Variants in CNTNAP2 observed in about 807,000 individuals in gnomAD.
The protein encoded by CNTNAP2 is contactin associated protein 2.
A neutral mutation model predicts 155.2 loss-of-function variants in CNTNAP2; 98 were observed. The ratio of observed to expected loss-of-function variants is 0.63; its 90% CI spans 0.54 to 0.75. The LOEUF is 0.75. Among genes scored for constraint, CNTNAP2 ranks in the 30% least tolerant of loss-of-function variants. The pLI is 0.00. For missense variants in CNTNAP2, 1,727 were observed against 1,688.1 expected (o/e 1.02, Z -0.40); for synonymous variants, 651 against 631.2 (o/e 1.03, Z -0.47).
intron 2 of CNTNAP2, among the ~76,000 whole-genome samples, chr7:146,795,773 C>G (rs1480777326): frequency 6.6e-6 from 1 of 152,044 alleles, no homozygotes; most frequent in Admixed American, 6.6e-5. Flanking sequence ...ACCTTATGCC[C>G]CAGCAATTTC....
At chr7:147,150,070 A>G (rs982484051) in intron 8 of CNTNAP2, among the ~76,000 whole-genome samples, 1 of 152,198 alleles carries the variant, frequency 6.6e-6, no homozygotes, top group Non-Finnish European at 1.5e-5. Context: ...TGGACGTGTC[A>G]CGTTTTAGAT....
chr7:146,248,510 CCAGGG>C (rs2116939502), intron 1 of CNTNAP2, among the ~76,000 whole-genome samples: 1 of 151,974 alleles, frequency 6.6e-6, no homozygotes, highest in Non-Finnish European at 1.5e-5. Flanking sequence ...AGTTTTGGGT[CCAGGG>C]ATAAAACGTG....
At chr7:148,381,816 G>C (rs1488730743) in intron 21 of CNTNAP2, among the ~76,000 whole-genome samples, 1 of 152,142 alleles carries the variant, frequency 6.6e-6, no homozygotes, top group Admixed American at 6.5e-5. Flanking sequence ...ACATGGCCCT[G>C]AGTTGGAACC....
intron 15 of CNTNAP2, among the ~76,000 whole-genome samples, chr7:148,015,071 T>C (rs1219532774): frequency 2.0e-5 from 3 of 152,230 alleles, no homozygotes; most frequent in African/African-American, 7.2e-5. Flanking sequence ...TTTTTTGTTT[T>C]TGTTTTTCCT....
intron 1 of CNTNAP2, among the ~76,000 whole-genome samples, chr7:146,153,426 ATTG>A (rs1221799319): frequency 6.6e-6 from 1 of 152,100 alleles, no homozygotes; most frequent in African/African-American, 2.4e-5. Flanking sequence ...GTCTGACTGT[ATTG>A]TTGTTTATTT....
intron 8 of CNTNAP2, among the ~76,000 whole-genome samples, chr7:147,297,662 G>C (rs1525211): frequency 6.6e-6 from 1 of 151,916 alleles, no homozygotes; most frequent in Non-Finnish European, 1.5e-5. Context: ...AGTACTTTTC[G>C]TGAGTTCAAA....
intron 1 of CNTNAP2, among the ~76,000 whole-genome samples, chr7:146,759,416 CG>C (rs1802047525): frequency 6.6e-6 from 1 of 151,848 alleles, no homozygotes; most frequent in Non-Finnish European, 1.5e-5. Context: ...ATGGTTAGGC[CG>C]GGCACGGTGG....
chr7:146,539,473 G>T (rs1797918898), intron 1 of CNTNAP2, among the ~76,000 whole-genome samples: 1 of 151,944 alleles, frequency 6.6e-6, no homozygotes, highest in Admixed American at 6.6e-5. Flanking sequence ...GGCTGCAAAT[G>T]ATGGTAAAAT....
intron 8 of CNTNAP2, among the ~76,000 whole-genome samples, chr7:147,265,195 T>A (rs560529296): frequency 1.7e-4 from 26 of 152,288 alleles, no homozygotes; most frequent in African/African-American, 5.3e-4. Context: ...AGATTTTTTT[T>A]AATTTTATTG....
chr7:147,073,471 T>C (rs1799937996), intron 4 of CNTNAP2, among the ~76,000 whole-genome samples: 1 of 152,092 alleles, frequency 6.6e-6, no homozygotes, highest in Non-Finnish European at 1.5e-5. Context: ...TCAGCTTGGA[T>C]AGGACAAACG....
intron 13 of CNTNAP2, among the ~76,000 whole-genome samples, chr7:147,662,484 A>G (rs1795627947): frequency 6.6e-6 from 1 of 152,190 alleles, no homozygotes; most frequent in African/African-American, 2.4e-5. Flanking sequence ...GCTAAGCAAG[A>G]TATAATTATC....
At chr7:146,738,298 A>G (rs1301269792) in intron 1 of CNTNAP2, among the ~76,000 whole-genome samples, 1 of 151,898 alleles carries the variant, frequency 6.6e-6, no homozygotes, top group Admixed American at 6.6e-5. Flanking sequence ...CCTGTTGGCT[A>G]TTTCTATGCT....
intron 10 of CNTNAP2, among the ~76,000 whole-genome samples, chr7:147,402,646 A>C (rs1168088345): frequency 1.3e-5 from 2 of 152,196 alleles, no homozygotes; most frequent in Non-Finnish European, 2.9e-5. Flanking sequence ...ATAGGGACAC[A>C]CAGTGATTTC....
chr7:146,570,941 C>T (rs188972198), intron 1 of CNTNAP2, among the ~76,000 whole-genome samples: 4 of 151,812 alleles, frequency 2.6e-5, no homozygotes, highest in African/African-American at 7.3e-5. Flanking sequence ...TAGCATTTAG[C>T]CAAATAATAA....
intron 12 of CNTNAP2, among the ~76,000 whole-genome samples, chr7:147,618,704 A>G (rs985026935): frequency 3.2e-5 from 4 of 126,316 alleles, no homozygotes; most frequent in Admixed American, 9.5e-5. Flanking sequence ...AATAACAGCT[A>G]TTATACACAC....
At chr7:147,861,676 A>T (rs1052911795) in intron 13 of CNTNAP2, among the ~76,000 whole-genome samples, 7 of 152,182 alleles carry the variant, frequency 4.6e-5, no homozygotes, top group African/African-American at 1.7e-4. Flanking sequence ...TGGGACACCT[A>T]GCCTAATCTA....
At chr7:147,019,381 G>A (rs1798781252) in intron 3 of CNTNAP2, among the ~76,000 whole-genome samples, 1 of 151,968 alleles carries the variant, frequency 6.6e-6, no homozygotes, top group Non-Finnish European at 1.5e-5. Context: ...TTTTTCTCTA[G>A]ATGTCTCCCA....
At chr7:148,407,141 TTCAAGGTTTTTATTA>T (rs1352345390) in intron 22 of CNTNAP2, among the ~76,000 whole-genome samples, 10 of 30,454 alleles carry the variant, frequency 3.3e-4, no homozygotes, top group African/African-American at 5.3e-4. Flanking sequence ...AAGGTTTTTA[TTCAAGGTTTTTATTA>T]TATGTTTTTA....
chr7:147,896,572 G>A (rs564680974), intron 13 of CNTNAP2, among the ~76,000 whole-genome samples: 1 of 152,292 alleles, frequency 6.6e-6, no homozygotes, highest in South Asian at 2.1e-4. Context: ...ACCACAGGGA[G>A]TCGAAGCTGT....
Sources: gnomAD v4.1 joint callset for allele counts (sites outside exome capture counted in the v4.1 genomes callset) on GRCh38, gnomAD v4.1.1 for gene constraint, MANE v1.5 for transcripts, NCBI Gene and HGNC (gene_info 2026-07-23, HGNC 2026-07-21) for gene names.